Variants in MGRN1 observed in about 807,000 individuals in gnomAD.
MGRN1 encodes mahogunin ring finger 1.
Under a neutral mutation model 69.2 loss-of-function variants are expected in MGRN1, and 29 were observed. The observed-to-expected ratio is 0.42, with a 90% CI of 0.31 to 0.57. The LOEUF (loss-of-function observed/expected upper bound fraction) is 0.57, where lower values mean the gene tolerates loss of function less well. Ranked by LOEUF, MGRN1 falls within the 20% of genes least tolerant of loss-of-function variation. MGRN1 has a pLI of 0.15. For synonymous variants in MGRN1, 470 were observed against 344.2 expected, an observed-to-expected ratio of 1.37 and a Z score of -4.04; for missense variants, 998 against 796.2, an observed-to-expected ratio of 1.25 and a Z score of -3.05.
chr16:4,630,372 TAGAA>T (rs939222149), intron 1 of MGRN1, among the ~76,000 whole-genome samples: 13 of 149,032 alleles, frequency 8.7e-5, no homozygotes, highest in East Asian at 3.9e-4. Flanking sequence ...AAAAAACAAA[TAGAA>T]AGAAAAGAAA....
chr16:4,665,302 CCTG>C, intron 7 of MGRN1, 151 bp downstream of exon 7: 1 of 742,920 alleles, frequency 1.3e-6, no homozygotes, highest in Non-Finnish European at 2.2e-6. Context: ...TCTGTGGCTT[CCTG>C]CTTTCTAGCA....
At chr16:4,631,335 G>A (rs183934529) in intron 1 of MGRN1, among the ~76,000 whole-genome samples, 48 of 152,264 alleles carry the variant, frequency 3.2e-4, no homozygotes, top group African/African-American at 9.9e-4. Context: ...AAACAACAGC[G>A]ACAAGAACCC....
intron 9 of MGRN1, among the ~76,000 whole-genome samples, 165 bp from the exon 10 acceptor site, chr16:4,673,333 C>T (rs988019490): frequency 2.0e-5 from 3 of 152,078 alleles, no homozygotes; most frequent in African/African-American, 7.2e-5. Flanking sequence ...GGATTTGAGC[C>T]TGGTGATTCT....
chr16:4,674,656 C>T (rs1167055309), intron 10 of MGRN1, among the ~76,000 whole-genome samples: 62 of 43,990 alleles, frequency 1.4e-3, no homozygotes, highest in Admixed American at 2.6e-3. Context: ...TTTTTTGAGA[C>T]GGAGTCTCGC....
At chr16:4,685,751 C>T (rs943786527) in intron 16 of MGRN1, among the ~76,000 whole-genome samples, 1 of 152,250 alleles carries the variant, frequency 6.6e-6, no homozygotes, top group African/African-American at 2.4e-5. Flanking sequence ...ACTGTCTATC[C>T]GTGTCTGTGC....
intron 1 of MGRN1, among the ~76,000 whole-genome samples, chr16:4,645,183 CAG>C (rs59056097): frequency 0.043 from 6,493 of 150,968 alleles, 495 homozygotes; most frequent in African/African-American, 0.15. Context: ...GGAAGAGAGA[CAG>C]GGTCTTGCTC....
At chr16:4,686,580 C>G in intron 16 of MGRN1, 4 of 1,302,054 alleles carry the variant, frequency 3.1e-6, no homozygotes, top group Non-Finnish European at 3.9e-6. Flanking sequence ...CTTGAGGGGC[C>G]CTGGAACAGT....
intron 6 of MGRN1, 63 bp from the exon 7 acceptor site, chr16:4,665,039 A>C: frequency 3.8e-6 from 6 of 1,581,008 alleles, no homozygotes; most frequent in South Asian, 1.1e-5. Flanking sequence ...AGGGTCGGGG[A>C]GGTGAGATGC....
rs1555459359 is a variant in MGRN1, at chr16:4,682,862, T to C, written c.1398T>C (p.Asp466=). ...RSPSSPIHEE[D]EEKLSEDVDA... The stretch of plus-strand genomic sequence containing the variant: ...CGTCTTCCCCCATCCACGAAGAGGA[T>C]GAGGAGAAGCTCTCCGAGGACGTGG... Residue 466 remains aspartate, a synonymous_variant, in exon 14 of 17, where the codon GAT becomes GAC. Coordinates refer to ENST00000262370, the MANE Select transcript of MGRN1 (RefSeq NM_015246.4). 6 of 1,608,782 alleles carry C rather than the reference T, an allele frequency of 3.7e-6. No homozygotes were observed. Among genetic ancestry groups the C allele is most frequent in the Admixed American group, 3.3e-5 (2 of 59,706 alleles).
chr16:4,687,847 A>T, intron 16 of MGRN1: 5 of 985,432 alleles, frequency 5.1e-6, no homozygotes, highest in Non-Finnish European at 6.0e-6. Flanking sequence ...TGCGCTCTGC[A>T]TTCCCATGAA....
intron 16 of MGRN1, chr16:4,686,986 G>A (rs1264249967): frequency 5.7e-5 from 56 of 985,416 alleles, no homozygotes; most frequent in Non-Finnish European, 6.3e-5. Flanking sequence ...CTGTCCTGAG[G>A]GCGTCCGCTC....
At chr16:4,688,346 C>T in intron 16 of MGRN1, 3 of 991,278 alleles carry the variant, frequency 3.0e-6, no homozygotes, top group Non-Finnish European at 3.6e-6. Flanking sequence ...CATCCGGGGG[C>T]TACTCTGAGC....
At chr16:4,675,125 A>G (rs533537762) in intron 10 of MGRN1, among the ~76,000 whole-genome samples, 132 of 152,070 alleles carry the variant, frequency 8.7e-4, no homozygotes, top group African/African-American at 3.1e-3. Context: ...GGCATGTGCC[A>G]CCATGCCCGG....
chr16:4,656,353 A>G, intron 4 of MGRN1, among the ~76,000 whole-genome samples: 1 of 152,200 alleles, frequency 6.6e-6, no homozygotes, highest in African/African-American at 2.4e-5. Context: ...GTGGTGGTTC[A>G]CAGGACACAG....
chr16:4,655,897 C>A (rs1367763659), intron 4 of MGRN1, among the ~76,000 whole-genome samples: 5 of 152,260 alleles, frequency 3.3e-5, no homozygotes, highest in African/African-American at 1.2e-4. Flanking sequence ...AGGCTGGGGT[C>A]CACCTGAGGG....
intron 5 of MGRN1, 130 bp from the exon 6 acceptor site, chr16:4,664,579 A>G: frequency 1.1e-6 from 1 of 873,156 alleles, no homozygotes; most frequent in South Asian, 1.5e-5. Flanking sequence ...TGCCATCTCG[A>G]GGCGTGTCCT....
intron 16 of MGRN1, chr16:4,686,286 G>A: frequency 6.5e-7 from 1 of 1,544,990 alleles, no homozygotes; most frequent in Non-Finnish European, 8.7e-7. Flanking sequence ...TGCTCTGTTG[G>A]TATAGACGAG....
chr16:4,679,996 T>A (rs2079142528), intron 11 of MGRN1, 36 bp from the exon 12 acceptor site: 2 of 1,599,740 alleles, frequency 1.3e-6, no homozygotes, highest in Non-Finnish European at 8.5e-7. Flanking sequence ...CGCGTGGGGG[T>A]GGTAGTTGTA....
chr16:4,660,294 G>A (rs548670474), intron 5 of MGRN1, among the ~76,000 whole-genome samples: 208 of 152,336 alleles, frequency 1.4e-3, no homozygotes, highest in African/African-American at 4.8e-3. Context: ...GCAGTCCCTC[G>A]CAGGGTGGCC....
Sources: gnomAD v4.1 joint callset for allele counts (sites outside exome capture counted in the v4.1 genomes callset) on GRCh38, gnomAD v4.1.1 for gene constraint, MANE v1.5 for transcripts, NCBI Gene and HGNC (gene_info 2026-07-23, HGNC 2026-07-21) for gene names.